Variants in TESC observed in about 807,000 individuals in gnomAD.
The protein encoded by TESC is tescalcin.
In TESC, 19 loss-of-function variants were observed where a neutral mutation model predicts 31.0. That is an observed-to-expected ratio of 0.61 (90% confidence interval 0.43 to 0.90). The LOEUF (loss-of-function observed/expected upper bound fraction) is 0.90, where lower values mean the gene tolerates loss of function less well. Ranked by LOEUF, TESC falls within the 40% of genes least tolerant of loss-of-function variation. The pLI is 0.00. For missense variants in TESC, 248 were observed against 303.8 expected (o/e 0.82, Z 1.36); for synonymous variants, 109 against 114.8 (o/e 0.95, Z 0.32).
At chr12:117,056,926 G>A (rs1258989376) in intron 2 of TESC, 40 bp from the exon 3 acceptor site, 5 of 1,603,798 alleles carry the variant, frequency 3.1e-6, no homozygotes, top group Admixed American at 3.3e-5. Flanking sequence ...AGAGAATAAG[G>A]AAAGATAGCA....
intron 2 of TESC, among the ~76,000 whole-genome samples, chr12:117,067,897 G>C (rs181079128): frequency 1.3e-5 from 2 of 151,962 alleles, no homozygotes; most frequent in African/African-American, 4.8e-5. Context: ...TCACAACCCC[G>C]TGCTTTTTTT....
At chr12:117,048,236 CT>C (rs1287056489) in intron 4 of TESC, among the ~76,000 whole-genome samples, 1 of 152,224 alleles carries the variant, frequency 6.6e-6, no homozygotes, top group East Asian at 1.9e-4. Context: ...GGATTTGGAC[CT>C]GAGTCCGTCC....
intron 2 of TESC, 109 bp downstream of exon 2, chr12:117,075,158 AAAAT>A (rs1955030692): frequency 1.7e-6 from 2 of 1,153,340 alleles, no homozygotes; most frequent in African/African-American, 3.1e-5. Flanking sequence ...AAATAAATAA[AAAAT>A]AAAAAGAAAA....
intron 1 of TESC, among the ~76,000 whole-genome samples, chr12:117,083,451 C>G (rs539097678): frequency 6.6e-6 from 1 of 151,648 alleles, no homozygotes; most frequent in African/African-American, 2.4e-5. Flanking sequence ...ATGTTCAAAG[C>G]AGCACTGTTC....
At chr12:117,061,337 CTT>C (rs1954798298) in intron 2 of TESC, among the ~76,000 whole-genome samples, 1 of 152,148 alleles carries the variant, frequency 6.6e-6, no homozygotes, top group African/African-American at 2.4e-5. Context: ...GGGCTTCCCT[CTT>C]TGTCTGGCCC....
chr12:117,058,565 T>TAAA (rs10637829), intron 2 of TESC, among the ~76,000 whole-genome samples: 25,258 of 112,936 alleles, frequency 0.22, 3,463 homozygotes, highest in African/African-American at 0.4. Context: ...GTAAAGCTGT[T>TAAA]AAAAAAAAAA....
intron 1 of TESC, among the ~76,000 whole-genome samples, chr12:117,081,479 T>C (rs1955146729): frequency 6.6e-6 from 1 of 152,204 alleles, no homozygotes; most frequent in African/African-American, 2.4e-5. Flanking sequence ...CACATTATTA[T>C]TTGTGTTGGG....
intron 2 of TESC, among the ~76,000 whole-genome samples, chr12:117,059,576 T>C (rs1195310849): frequency 6.6e-6 from 1 of 152,224 alleles, no homozygotes; most frequent in Non-Finnish European, 1.5e-5. Flanking sequence ...TTTTGTTTTT[T>C]TGAGACAGAG....
intron 1 of TESC, 109 bp from the exon 2 acceptor site, chr12:117,075,449 C>T: frequency 8.9e-7 from 1 of 1,129,940 alleles, no homozygotes; most frequent in Admixed American, 2.3e-5. Context: ...TGCCACACCC[C>T]TTCTCAAAGC....
At chr12:117,089,992 C>T (rs1018286780) in intron 1 of TESC, among the ~76,000 whole-genome samples, 2 of 151,594 alleles carry the variant, frequency 1.3e-5, no homozygotes, top group African/African-American at 2.4e-5. Context: ...AAAGAAATGT[C>T]GATTAGACTA....
chr12:117,063,999 ACTGCAGCCTTGAACTC>A (rs1954836119), intron 2 of TESC, among the ~76,000 whole-genome samples: 1 of 152,190 alleles, frequency 6.6e-6, no homozygotes, highest in Admixed American at 6.5e-5. Context: ...TTCATGGCTC[ACTGCAGCCTTGAACTC>A]CTGGGCTCAA....
intron 2 of TESC, among the ~76,000 whole-genome samples, chr12:117,067,753 G>C (rs1954907448): frequency 6.6e-6 from 1 of 152,180 alleles, no homozygotes; most frequent in African/African-American, 2.4e-5. Flanking sequence ...AACCTCTTCA[G>C]CCTCAGTTGC....
intron 1 of TESC, among the ~76,000 whole-genome samples, chr12:117,077,101 T>C (rs7955979): frequency 0.15 from 22,802 of 152,142 alleles, 1,865 homozygotes; most frequent in Middle Eastern, 0.21. Flanking sequence ...TCCTGCTCAT[T>C]GTTTTTTGGC....
rs138881705 is a variant in TESC at position 117,083,511 on chromosome 12, G to A, written c.59-8171C>T. On this transcript the variant is annotated intron_variant, in intron 1 of 7. Transcript: ENST00000335209. ...TCCAAACGTCCATCAACAAAGGAAT[G>A]GGTGAACAAAATGTGGCACATCCAG... is the stretch of plus-strand genomic sequence containing the variant. Among the ~76,000 whole-genome samples, 101 of 151,706 alleles carry A rather than the reference G, an allele frequency of 6.7e-4. 1 individual carries two copies. The highest frequency in any genetic ancestry group is 2.9e-3 in the Admixed American group (44 of 15,286).
rs1356210675 is a variant in TESC at position 117,075,955 on chromosome 12, A to ATGTATGTATG, written c.59-616_59-615insCATACATACA. Among the ~76,000 whole-genome samples the ATGTATGTATG allele has an allele frequency of 3.1e-4, 37 of 119,298 alleles. 1 individual carries two copies. Among genetic ancestry groups the ATGTATGTATG allele is most frequent in the African/African-American group, 1.4e-3 (37 of 25,640 alleles). 78.3% of individuals were successfully genotyped at this position (119,298 alleles called of 152,430 possible). On this transcript the variant is annotated intron_variant, in intron 1 of 7. Transcript: ENST00000335209. ...TATATATATATGTATATATACATAT[A>ATGTATGTATG]TATATATATATGTATGTATATATAT...
chr12:117,048,211 G>C (rs1954596382), intron 4 of TESC, among the ~76,000 whole-genome samples: 1 of 152,198 alleles, frequency 6.6e-6, no homozygotes, highest in Non-Finnish European at 1.5e-5. Flanking sequence ...ACACCACTAA[G>C]GGACAGGAAA....
rs937413395 is a variant in TESC at position 117,075,195 on chromosome 12, C to A, written c.128+76G>T. 4 of 1,465,106 alleles carry A rather than the reference C, an allele frequency of 2.7e-6. No individual in the cohort carries two copies. The African/African-American group carries it at 5.7e-5, about 21-fold the overall frequency. The allele number at this position is 1,465,106 out of a possible 1,614,324, so 90.8% of individuals were successfully genotyped here. On this transcript the variant is annotated intron_variant, in intron 2 of 7. Coordinates refer to ENST00000335209, the MANE Select transcript of TESC (RefSeq NM_017899.4). ...AAACAACTACCCCCGCTACTCAGCA[C>A]TCAAGAAAAGAAACAGGACAAGAAA...
At chr12:117,079,852 T>C (rs1955122497) in intron 1 of TESC, among the ~76,000 whole-genome samples, 1 of 152,110 alleles carries the variant, frequency 6.6e-6, no homozygotes, top group African/African-American at 2.4e-5. Flanking sequence ...AACTATGGGG[T>C]TCAATTTAAA....
intron 1 of TESC, among the ~76,000 whole-genome samples, chr12:117,091,647 GA>G (rs1430676373): frequency 2.6e-5 from 4 of 152,140 alleles, no homozygotes; most frequent in Non-Finnish European, 5.9e-5. Context: ...GAGACCCTAG[GA>G]AACAGAGGGG....
Sources: gnomAD v4.1 joint callset for allele counts (sites outside exome capture counted in the v4.1 genomes callset) on GRCh38, gnomAD v4.1.1 for gene constraint, MANE v1.5 for transcripts, NCBI Gene and HGNC (gene_info 2026-07-23, HGNC 2026-07-21) for gene names.